Variants in ERC1 observed in about 807,000 individuals in gnomAD.
ERC1 encodes RAB6 interacting protein 2.
In ERC1, 56 loss-of-function variants were observed where a neutral mutation model predicts 132.0. That is an observed-to-expected ratio of 0.42 (90% CI 0.34 to 0.53). The LOEUF (loss-of-function observed/expected upper bound fraction) is 0.53. Among genes scored for constraint, ERC1 ranks in the 20% least tolerant of loss-of-function variants. The pLI, the probability that ERC1 is intolerant of heterozygous loss-of-function variation, is 0.03. For synonymous variants in ERC1, 478 were observed against 476.1 expected, an observed-to-expected ratio of 1.00 and a Z score of -0.05; for missense variants, 1,202 against 1,349.9, an observed-to-expected ratio of 0.89 and a Z score of 1.72.
intron 15 of ERC1, among the ~76,000 whole-genome samples, chr12:1,358,678 A>G (rs74057175): frequency 0.026 from 3,959 of 151,672 alleles, 178 homozygotes; most frequent in African/African-American, 0.092. Context: ...AAGCTATACA[A>G]CTCTCCACAG....
At chr12:1,478,353 TG>T (rs2094015080) in intron 18 of ERC1, among the ~76,000 whole-genome samples, 1 of 152,236 alleles carries the variant, frequency 6.6e-6, no homozygotes. Flanking sequence ...TATACTCTTG[TG>T]GTCATTCAAG....
At chr12:1,396,867 G>A (rs929785069) in intron 16 of ERC1, among the ~76,000 whole-genome samples, 9 of 152,242 alleles carry the variant, frequency 5.9e-5, no homozygotes, top group East Asian at 5.8e-4. Flanking sequence ...TTAGAGGCTC[G>A]CTGTGCAGAA....
intron 8 of ERC1, among the ~76,000 whole-genome samples, chr12:1,158,726 T>TA (rs1453665589): frequency 6.6e-6 from 1 of 152,114 alleles, no homozygotes; most frequent in Non-Finnish European, 1.5e-5. Context: ...GTCCTGGGAT[T>TA]ACAGGTGTGA....
At chr12:1,479,291 A>G (rs1181353246) in intron 18 of ERC1, among the ~76,000 whole-genome samples, 1 of 152,026 alleles carries the variant, frequency 6.6e-6, no homozygotes, top group Non-Finnish European at 1.5e-5. Context: ...TACTCTTTGG[A>G]ATCAGCTCGT....
chr12:1,186,441 A>G (rs1333667282), intron 11 of ERC1, among the ~76,000 whole-genome samples: 4 of 152,232 alleles, frequency 2.6e-5, no homozygotes, highest in African/African-American at 9.6e-5. Flanking sequence ...GTTTTTCAGT[A>G]GAACAAGGCC....
intron 15 of ERC1, among the ~76,000 whole-genome samples, chr12:1,354,970 T>C (rs1566663253): frequency 1.3e-5 from 2 of 152,166 alleles, no homozygotes; most frequent in Non-Finnish European, 2.9e-5. Context: ...AACTGTTTTC[T>C]CTTGTACTAG....
chr12:1,325,414 T>C (rs2082379234), intron 15 of ERC1, among the ~76,000 whole-genome samples: 2 of 152,196 alleles, frequency 1.3e-5, no homozygotes, highest in Non-Finnish European at 2.9e-5. Context: ...GTGCCAAGTA[T>C]CCATTGAGTT....
At chr12:1,436,486 C>G (rs146442489) in intron 17 of ERC1, among the ~76,000 whole-genome samples, 2 of 152,264 alleles carry the variant, frequency 1.3e-5, no homozygotes, top group African/African-American at 2.4e-5. Context: ...ACTCCGCTTG[C>G]CTTTCCCCTC....
At chr12:1,367,671 G>C (rs562294391) in intron 15 of ERC1, among the ~76,000 whole-genome samples, 7 of 152,130 alleles carry the variant, frequency 4.6e-5, no homozygotes, top group Non-Finnish European at 1.0e-4. Flanking sequence ...TTGCCCAGAT[G>C]GGGGAAGGGG....
intron 15 of ERC1, among the ~76,000 whole-genome samples, chr12:1,309,941 G>T (rs778050782): frequency 6.7e-6 from 1 of 148,732 alleles, no homozygotes; most frequent in South Asian, 2.1e-4. Context: ...CTTTTGTTTT[G>T]TTTTGTTTTG....
intron 2 of ERC1, among the ~76,000 whole-genome samples, chr12:1,040,708 C>T (rs1468347810): frequency 6.6e-6 from 1 of 152,062 alleles, no homozygotes; most frequent in Non-Finnish European, 1.5e-5. Context: ...GAACCCTTTC[C>T]CCCTTTATTT....
rs552655961 is a variant in ERC1, at chr12:1,286,122, C to T, written c.2620-3730C>T. 7.7e-4 allele frequency among the ~76,000 whole-genome samples: 117 copies of T among 151,918 alleles called. 1 individual carries two copies. Among genetic ancestry groups the T allele is most frequent in the African/African-American group, 2.8e-3 (115 of 41,432 alleles). On this transcript the variant is annotated intron_variant, in intron 14 of 18. Coordinates refer to ENST00000360905, the MANE Select transcript of ERC1 (RefSeq NM_178040.4). ...CAGCCTGGCCAACGTGGCAAAACCCCGTCTCTACTAAAAACACAAAAATTA... is the reference window on the plus strand; with the variant it reads ...CAGCCTGGCCAACGTGGCAAAACCCTGTCTCTACTAAAAACACAAAAATTA...
chr12:1,186,973 G>T (rs1374892699), intron 11 of ERC1, among the ~76,000 whole-genome samples: 1 of 152,176 alleles, frequency 6.6e-6, no homozygotes, highest in Non-Finnish European at 1.5e-5. Flanking sequence ...TGGGATTACA[G>T]GTGTGCACCA....
At chr12:1,336,977 G>A (rs2083371257) in intron 15 of ERC1, among the ~76,000 whole-genome samples, 1 of 151,998 alleles carries the variant, frequency 6.6e-6, no homozygotes, top group South Asian at 2.1e-4. Flanking sequence ...GTTCTGTTTT[G>A]TTTTGTTTTT....
At chr12:1,101,925 G>C (rs1944710072) in intron 3 of ERC1, among the ~76,000 whole-genome samples, 1 of 152,214 alleles carries the variant, frequency 6.6e-6, no homozygotes, top group African/African-American at 2.4e-5. Flanking sequence ...ATCTACCCAA[G>C]AAGGGTTGCT....
At position 1,115,771 on chromosome 12, in the gene ERC1, A is replaced by G; in HGVS notation, c.1402-95A>G. ...CTATCACACAGTTCGTGCTGCATTT[A>G]GTTTCATATTTTGTGACTCAGATCT... On this transcript the variant is annotated intron_variant, in intron 6 of 18. Transcript: ENST00000360905. The G allele has an allele frequency of 2.8e-6, 3 of 1,053,598 alleles. No individual in the cohort carries two copies. The South Asian group carries it at 5.1e-5, about 18-fold the overall frequency. The allele number at this position is 1,053,598 out of a possible 1,614,324, so 65.3% of individuals were successfully genotyped here.
chr12:1,347,063 T>G (rs191643435), intron 15 of ERC1, among the ~76,000 whole-genome samples: 1 of 152,294 alleles, frequency 6.6e-6, no homozygotes, highest in African/African-American at 2.4e-5. Flanking sequence ...TGTGACAAGG[T>G]AATAAAATTG....
At chr12:1,157,026 A>T (rs1456652155) in intron 8 of ERC1, among the ~76,000 whole-genome samples, 1 of 152,156 alleles carries the variant, frequency 6.6e-6, no homozygotes, top group Non-Finnish European at 1.5e-5. Context: ...CACCAAATTT[A>T]ATAGTACTTT....
chr12:1,198,467 C>T (rs1472884995), intron 12 of ERC1, among the ~76,000 whole-genome samples: 2 of 152,074 alleles, frequency 1.3e-5, no homozygotes, highest in Admixed American at 1.3e-4. Flanking sequence ...TTTTGTTGTT[C>T]GTATATACAT....
Sources: gnomAD v4.1 joint callset for allele counts (sites outside exome capture counted in the v4.1 genomes callset) on GRCh38, gnomAD v4.1.1 for gene constraint, MANE v1.5 for transcripts, NCBI Gene and HGNC (gene_info 2026-07-23, HGNC 2026-07-21) for gene names.